ABHD13: variants seen among roughly 807,000 people sequenced by gnomAD.
ABHD13 encodes abhydrolase domain containing 13, also known as protein ABHD13.
ABHD13 carries 7 observed loss-of-function variants against 25.2 expected under a neutral mutation model. The observed-to-expected ratio is 0.28, with a 90% CI of 0.16 to 0.52. The LOEUF (loss-of-function observed/expected upper bound fraction) is 0.52, where lower values mean the gene tolerates loss of function less well. ABHD13 is among the 20% of genes least tolerant of loss of function. The probability of loss-of-function intolerance (pLI) is 0.96; values close to 1 mark genes in which losing one functional copy is unlikely to be tolerated. For missense variants in ABHD13, 302 were observed against 402.7 expected, an observed-to-expected ratio of 0.75 and a Z score of 2.14; for synonymous variants, 133 against 136.1, an observed-to-expected ratio of 0.98 and a Z score of 0.16.
intron 1 of ABHD13, among the ~76,000 whole-genome samples, chr13:108,228,919 C>T (rs960793825): frequency 1.0e-4 from 15 of 150,566 alleles, no homozygotes; most frequent in African/African-American, 2.4e-4. Context: ...GGGTCAAATC[C>T]GTGAGAACAC....
At position 108,231,765 on chromosome 13, in the gene ABHD13, A is replaced by G. The variant is rs1044318757; in HGVS notation, c.*1533A>G. The G allele has an allele frequency of 5.4e-5, 9 of 166,840 alleles. No homozygotes were observed. The highest frequency in any genetic ancestry group is 1.7e-4 in the African/African-American group (7 of 41,448). The allele number at this position is 166,840 out of a possible 1,614,324, so 10.3% of individuals were successfully genotyped here. A position where few individuals can be genotyped will look rare whatever the true frequency, so the allele number is the denominator to read the frequency against. On this transcript the variant is annotated 3_prime_UTR_variant, in exon 2 of 2. Transcript: ENST00000375898. ...TCTTGACCTTAATTTAAAACTTTCA[A>G]TGGAGATAGGGCTAGAAATACTTTT...
rs1879808604 is a variant in ABHD13, at chr13:108,231,736, A to G, written c.*1504A>G. 2 of 166,824 alleles carry G rather than the reference A, an allele frequency of 1.2e-5. No homozygotes were observed. Among genetic ancestry groups the G allele is most frequent in the East Asian group, 1.9e-4 (1 of 5,200 alleles). The allele number at this position is 166,824 out of a possible 1,614,324, so 10.3% of individuals were successfully genotyped here. A position where few individuals can be genotyped will look rare whatever the true frequency, so the allele number is the denominator to read the frequency against. On this transcript the variant is annotated 3_prime_UTR_variant, in exon 2 of 2. Coordinates refer to ENST00000375898, the MANE Select transcript of ABHD13 (RefSeq NM_032859.3). The stretch of plus-strand genomic sequence containing the variant: ...ACTAGAACAGAGAAGTAATGGGTCA[A>G]TAATCTTGACCTTAATTTAAAACTT...
rs761651673 is a variant in ABHD13, at chr13:108,229,977, C to G, written c.759C>G (p.Ile253Met). 1 of 1,613,228 alleles carries G rather than the reference C, an allele frequency of 6.2e-7. No individual in the cohort carries two copies. The highest frequency in any genetic ancestry group is 8.5e-7 in the Non-Finnish European group (1 of 1,179,412). The change falls in exon 2 of 2, where the codon ATC (isoleucine) becomes ATG (methionine). Residue 253 changes from isoleucine to methionine, a missense_variant. Physicochemically the swap from Ile to Met is conservative, Grantham distance 10. Coordinates refer to ENST00000375898, the MANE Select transcript of ABHD13 (RefSeq NM_032859.3). The surrounding 1 kb of genome is among the most constrained non-coding windows in gnomAD (Gnocchi z 4.7). The stretch of plus-strand genomic sequence containing the variant: ...ATAAATTTTTGTCCTACAGAAAAAT[C>G]TCTCAGTGTAGAATGCCTTCACTTT... Reference protein sequence around the residue: ...YKNKFLSYRKISQCRMPSLFI... With the variant: ...YKNKFLSYRKMSQCRMPSLFI...
At chr13:108,220,661 A>G (rs1041275119) in intron 1 of ABHD13, among the ~76,000 whole-genome samples, 1 of 152,254 alleles carries the variant, frequency 6.6e-6, no homozygotes, top group Non-Finnish European at 1.5e-5. Flanking sequence ...CTCCTACAAC[A>G]GTATATTCTG....
rs1879749007 is a variant in ABHD13 at position 108,229,547 on chromosome 13, A to G, written c.329A>G (p.Asn110Ser). Residue 110 changes from asparagine to serine, a missense_variant, in exon 2 of 2, where the codon AAT (asparagine) becomes AGT (serine). Asn to Ser is a conservative substitution (Grantham distance 46). Transcript: ENST00000375898. This position sits in a 1 kb window ranked among gnomAD's most constrained non-coding sequence, Gnocchi z 4.7. The part of the protein sequence containing the change: ...NLILIRYTGD[N>S]SPYSPTIIYF... The stretch of plus-strand genomic sequence containing the variant: ...ATTTTGATACGATACACTGGAGACA[A>G]TTCACCCTATTCCCCAACTATAATT... 1 of 1,613,326 alleles carries G rather than the reference A, an allele frequency of 6.2e-7. No homozygotes were observed. The highest frequency in any genetic ancestry group is 8.5e-7 in the Non-Finnish European group (1 of 1,179,528).
At position 108,230,132 on chromosome 13, in the gene ABHD13, A is replaced by C. The variant is rs1375138165; in HGVS notation, c.914A>C (p.Gln305Pro). Residue 305 changes from glutamine (Q) to proline (P), a missense_variant, in exon 2 of 2, where the codon CAA becomes CCA. Gln to Pro is a moderately conservative substitution (Grantham distance 76). Transcript: ENST00000375898. ...DGTHNDTWQC[Q>P]GYFTALEQFI... ...ACTCACAATGACACATGGCAGTGCC[A>C]AGGCTATTTCACTGCACTTGAACAG... 1 of 1,613,004 alleles carries C rather than the reference A, an allele frequency of 6.2e-7. No individual in the cohort carries two copies. Among genetic ancestry groups the C allele is most frequent in the Admixed American group, 1.7e-5 (1 of 59,858 alleles).
rs964963170 is a variant in ABHD13, at chr13:108,232,147, C to T, written c.*1915C>T. The T allele has an allele frequency of 4.8e-5, 8 of 166,530 alleles. No homozygotes were observed. The highest frequency in any genetic ancestry group is 1.5e-4 in the African/African-American group (6 of 41,340). The allele number at this position is 166,530 out of a possible 1,614,324, so 10.3% of individuals were successfully genotyped here. On this transcript the variant is annotated 3_prime_UTR_variant, in exon 2 of 2. Transcript: ENST00000375898. ...TATGTTTTTATGTAATCAGTCATTA[C>T]ACTAGGGAGAAATTTATCAGCTTTA...
rs1489766373 is a variant in ABHD13 at position 108,229,093 on chromosome 13, A to G, written c.-20-106A>G. 1.3e-6 allele frequency: 1 copy of G among 798,836 alleles called. No homozygotes were observed. Among genetic ancestry groups the G allele is most frequent in the Non-Finnish European group, 1.9e-6 (1 of 528,536 alleles). 49.5% of individuals were successfully genotyped at this position (798,836 alleles called of 1,614,324 possible). On this transcript the variant is annotated intron_variant, in intron 1 of 1. Coordinates refer to ENST00000375898, the MANE Select transcript of ABHD13 (RefSeq NM_032859.3). The surrounding 1 kb of genome is among the most constrained non-coding windows in gnomAD (Gnocchi z 4.7). ...TTGTGGATGGACTGTACCTATTACC[A>G]TATTTAACAATTACATGTGGCCTAG...
At chr13:108,219,027 G>A (rs1461506843) in intron 1 of ABHD13, among the ~76,000 whole-genome samples, 1 of 152,122 alleles carries the variant, frequency 6.6e-6, no homozygotes, top group Non-Finnish European at 1.5e-5. Flanking sequence ...TATGTCAATT[G>A]TATTTCCAGT....
rs1484875348 is a variant in ABHD13, at chr13:108,229,502, A to G, written c.284A>G (p.Asp95Gly). The G allele has an allele frequency of 2.5e-6, 4 of 1,613,596 alleles. No individual in the cohort carries two copies. Among genetic ancestry groups the G allele is most frequent in the Non-Finnish European group, 3.4e-6 (4 of 1,179,628 alleles). The change falls in exon 2 of 2, where the codon GAT (aspartate) becomes GGT (glycine). Residue 95 changes from aspartate (D) to glycine (G), a missense_variant. Transcript: ENST00000375898. The surrounding 1 kb of genome is among the most constrained non-coding windows in gnomAD (Gnocchi z 4.7). ...GAAAACATTTTCATCAGAACCAAAGATGGAATACGTCTGAATCTTATTTTG... is the reference window on the plus strand; with the variant it reads ...GAAAACATTTTCATCAGAACCAAAGGTGGAATACGTCTGAATCTTATTTTG... ...PHENIFIRTK[D>G]GIRLNLILIR... is the part of the protein sequence containing the mutation.
intron 1 of ABHD13, among the ~76,000 whole-genome samples, chr13:108,223,823 C>T (rs1044189227): frequency 2.0e-5 from 3 of 152,150 alleles, no homozygotes; most frequent in Non-Finnish European, 1.5e-5. Flanking sequence ...TTAATAGAGC[C>T]CTCAAAGTTC....
At chr13:108,227,679 C>A (rs893932351) in intron 1 of ABHD13, among the ~76,000 whole-genome samples, 1 of 151,992 alleles carries the variant, frequency 6.6e-6, no homozygotes, top group Admixed American at 6.6e-5. Flanking sequence ...GTTAACATGT[C>A]TGTAACATTT....
At chr13:108,219,597 TAAGA>T (rs1879503291) in intron 1 of ABHD13, among the ~76,000 whole-genome samples, 1 of 152,216 alleles carries the variant, frequency 6.6e-6, no homozygotes, top group East Asian at 1.9e-4. Context: ...ATATCCTACC[TAAGA>T]CATCAGCTGC....
In ABHD13 at chr13:108,229,283, C is replaced by G. The variant is rs1334376675; in HGVS notation, c.65C>G (p.Ser22Cys). 2 of 1,605,314 alleles carry G rather than the reference C, an allele frequency of 1.2e-6. No homozygotes were observed. Among genetic ancestry groups the G allele is most frequent in the South Asian group, 2.2e-5 (2 of 89,308 alleles). Residue 22 changes from serine (S) to cysteine (C), a missense_variant, in exon 2 of 2, where the codon TCT becomes TGT. By Grantham distance (112) the Ser-to-Cys change is moderately radical. Coordinates refer to ENST00000375898, the MANE Select transcript of ABHD13 (RefSeq NM_032859.3). The surrounding 1 kb of genome is among the most constrained non-coding windows in gnomAD (Gnocchi z 4.7). ...ERWLIALASW[S>C]WALCRISLLP... ...TGGCTAATAGCCTTGGCTTCATGGT[C>G]TTGGGCTCTCTGCCGTATTTCTCTT...
chr13:108,218,614 C>G lies in ABHD13; in HGVS notation c.-66C>G, dbSNP rs961292599. On this transcript the variant is annotated 5_prime_UTR_variant, in exon 1 of 2. Transcript: ENST00000375898. The stretch of plus-strand genomic sequence containing the variant: ...CGGGGGTACGCTGCTGCGCGGCGCC[C>G]GGTTTCGTGCCCGCGGCCGACTGCG... 1 of 151,892 alleles carries G rather than the reference C, an allele frequency of 6.6e-6. No individual in the cohort carries two copies. Among genetic ancestry groups the G allele is most frequent in the Non-Finnish European group, 1.5e-5 (1 of 67,928 alleles). 9.4% of individuals were successfully genotyped at this position (151,892 alleles called of 1,614,324 possible). A position where few individuals can be genotyped will look rare whatever the true frequency, so the allele number is the denominator to read the frequency against.
intron 1 of ABHD13, among the ~76,000 whole-genome samples, chr13:108,224,874 C>T (rs532435017): frequency 6.6e-6 from 1 of 152,270 alleles, no homozygotes; most frequent in Non-Finnish European, 1.5e-5. Flanking sequence ...CAGGATGTCA[C>T]TAATACTGCA....
Position 108,229,765 on chromosome 13 carries a change from G to C in ABHD13, c.547G>C (p.Asp183His), listed in dbSNP as rs1402993112. ...CTACGTGATGACTAGACCTGACCTT[G>C]ATAAAACAAAAATTTTTCTTTTTGG... Reference protein sequence around the residue: ...LDYVMTRPDLDKTKIFLFGRS... With the variant: ...LDYVMTRPDLHKTKIFLFGRS... The change falls in exon 2 of 2, where the codon GAT becomes CAT. Residue 183 changes from aspartate to histidine, a missense_variant. By Grantham distance (81) the Asp-to-His change is moderately conservative. Coordinates refer to ENST00000375898, the MANE Select transcript of ABHD13 (RefSeq NM_032859.3). This position sits in a 1 kb window ranked among gnomAD's most constrained non-coding sequence, Gnocchi z 4.7. 73 of 1,613,178 alleles carry C rather than the reference G, an allele frequency of 4.5e-5. No individual in the cohort carries two copies. The highest frequency in any genetic ancestry group is 6.2e-5 in the Non-Finnish European group (73 of 1,179,492).
At position 108,229,348 on chromosome 13, in the gene ABHD13, A is replaced by G. The variant is rs1160753866; in HGVS notation, c.130A>G (p.Ile44Val). The G allele has an allele frequency of 2.5e-6, 4 of 1,612,854 alleles. No homozygotes were observed. The highest frequency in any genetic ancestry group is 1.7e-5 in the Admixed American group (1 of 59,876). Residue 44 changes from isoleucine to valine, a missense_variant, in exon 2 of 2, where the codon ATC (isoleucine) becomes GTC (valine). Transcript: ENST00000375898. This position sits in a 1 kb window ranked among gnomAD's most constrained non-coding sequence, Gnocchi z 4.7. ...GACTTTTCATCTGTATGGAGGCATT[A>G]TCTTACTTTTGTTAATATTCATATC... Reference protein sequence around the residue: ...IVTFHLYGGIILLLLIFISIA... With the variant: ...IVTFHLYGGIVLLLLIFISIA...
Position 108,230,486 on chromosome 13 carries a change from AATAG to A in ABHD13, c.*258_*261del, listed in dbSNP as rs1424447812. On this transcript the variant is annotated 3_prime_UTR_variant, in exon 2 of 2. Coordinates refer to ENST00000375898, the MANE Select transcript of ABHD13 (RefSeq NM_032859.3). ...TATCTTCAGTTTAATATGTCAGTAT[AATAG>A]ATATTGTTCAAAAGTTTCTTGTTGC... 1.4e-4 allele frequency: 44 copies of A among 321,000 alleles called. No homozygotes were observed. Among genetic ancestry groups the A allele is most frequent in the African/African-American group, 7.0e-4 (32 of 45,888 alleles). The allele number at this position is 321,000 out of a possible 1,614,324, so 19.9% of individuals were successfully genotyped here.
Sources: gnomAD v4.1 joint callset for allele counts (sites outside exome capture counted in the v4.1 genomes callset) on GRCh38, gnomAD v4.1.1 for gene constraint, Gnocchi (gnomAD v3.1) non-coding constraint, MANE v1.5 for transcripts, NCBI Gene and HGNC (gene_info 2026-07-23, HGNC 2026-07-21) for gene names.